ZC3H3: variants seen among roughly 807,000 people sequenced by gnomAD.
ZC3H3 encodes the protein zinc finger CCCH-type containing 3.
A neutral mutation model predicts 77.3 loss-of-function variants in ZC3H3; 36 were observed. The observed-to-expected ratio is 0.47, with a 90% CI of 0.36 to 0.61. The LOEUF is 0.61. Ranked by LOEUF, ZC3H3 falls within the 20% of genes least tolerant of loss-of-function variation. The pLI, the probability that ZC3H3 is intolerant of heterozygous loss-of-function variation, is 0.00. For synonymous variants in ZC3H3, 626 were observed against 555.2 expected (o/e 1.13, Z -1.79); for missense variants, 1,331 against 1,312.2 (o/e 1.01, Z -0.22).
chr8:143,490,190 G>A, intron 4 of ZC3H3, among the ~76,000 whole-genome samples: 1 of 152,230 alleles, frequency 6.6e-6, no homozygotes, highest in Non-Finnish European at 1.5e-5. Flanking sequence ...GCTGCACAGT[G>A]CTCAGCAGCT....
rs531200439 is a variant in ZC3H3, at chr8:143,536,295, C to A, written c.1523G>T (p.Arg508Leu). The change falls in exon 3 of 12, where the codon CGC becomes CTC. Residue 508 changes from arginine (R) to leucine (L), a missense_variant. By Grantham distance (102) the Arg-to-Leu change is moderately radical. Around this residue, in one of 3 missense-constraint regions of ZC3H3, gnomAD observed 978 missense variants for 915.5 expected, o/e 1.07. Transcript: ENST00000262577. ...LVQVTTHRLCRLPPSRAHLPT... is the reference protein window; with the variant it reads ...LVQVTTHRLCLLPPSRAHLPT... ...GAGGTGGGCCCGGCTCGGTGGCAGG[C>A]GACATAGTCGGTGCGTGGTGACCTG... The A allele has an allele frequency of 3.7e-6, 6 of 1,611,780 alleles. No individual in the cohort carries two copies. The highest frequency in any genetic ancestry group is 2.7e-5 in the African/African-American group (2 of 74,908).
At chr8:143,497,011 G>C (rs909252439) in intron 4 of ZC3H3, among the ~76,000 whole-genome samples, 35 of 152,226 alleles carry the variant, frequency 2.3e-4, no homozygotes, top group African/African-American at 8.2e-4. Context: ...GGGCACCAGG[G>C]CTCCGCTTCT....
chr8:143,498,934 GGGCAGTGCAGGGGGT>G, intron 4 of ZC3H3, among the ~76,000 whole-genome samples: 1 of 141,816 alleles, frequency 7.1e-6, no homozygotes, highest in African/African-American at 2.8e-5. Context: ...GAGGGGCACA[GGGCAGTGCAGGGGGT>G]ACAGGGCGGG....
chr8:143,488,885 C>G (rs1270663764), intron 4 of ZC3H3, among the ~76,000 whole-genome samples: 1 of 152,232 alleles, frequency 6.6e-6, no homozygotes, highest in Non-Finnish European at 1.5e-5. Context: ...ATAGGGAACA[C>G]AAACCATGTT....
chr8:143,467,107 G>A (rs1820429958), intron 8 of ZC3H3, among the ~76,000 whole-genome samples: 1 of 152,126 alleles, frequency 6.6e-6, no homozygotes, highest in East Asian at 1.9e-4. Flanking sequence ...GAGGGGAGAG[G>A]GGCTGGGGGC....
chr8:143,443,187 A>G (rs1257354229), intron 9 of ZC3H3, among the ~76,000 whole-genome samples: 1 of 149,058 alleles, frequency 6.7e-6, no homozygotes, highest in Admixed American at 6.8e-5. Context: ...TGGGAGGCTG[A>G]GGCAGAAGAA....
intron 1 of ZC3H3, 30 bp downstream of exon 1, chr8:143,541,346 G>T (rs1037345949): frequency 1.2e-6 from 2 of 1,605,822 alleles, no homozygotes; most frequent in Admixed American, 1.7e-5. Flanking sequence ...GAAAGAAGGG[G>T]ACTCGCGTCC....
In ZC3H3 at chr8:143,533,689, T is replaced by A; in HGVS notation, c.1561+2568A>T. Among the ~76,000 whole-genome samples, 1 of 149,408 alleles carries A rather than the reference T, an allele frequency of 6.7e-6. No individual in the cohort carries two copies. The highest frequency in any genetic ancestry group is 1.5e-5 in the Non-Finnish European group (1 of 67,294). On this transcript the variant is annotated intron_variant, in intron 3 of 11. Coordinates refer to ENST00000262577, the MANE Select transcript of ZC3H3 (RefSeq NM_015117.3). This position sits in a 1 kb window ranked among gnomAD's most constrained non-coding sequence, Gnocchi z 4.0. The stretch of plus-strand genomic sequence containing the variant: ...CCATGCAGCCGCCACGCTGGTCTTT[T>A]TTTTTTTTTTTTTTTGAGACAAAAT...
At chr8:143,463,866 C>A (rs994210653) in intron 9 of ZC3H3, among the ~76,000 whole-genome samples, 2 of 152,266 alleles carry the variant, frequency 1.3e-5, no homozygotes, top group African/African-American at 4.8e-5. Flanking sequence ...CCCTGAGCCA[C>A]AGCCGTGGCC....
At position 143,442,548 on chromosome 8, in the gene ZC3H3, C is replaced by T. The variant is rs60589430; in HGVS notation, c.2308-1428G>A. Among the ~76,000 whole-genome samples, 95 of 152,056 alleles carry T rather than the reference C, an allele frequency of 6.2e-4. No homozygotes were observed. In the East Asian group the frequency reaches 0.017, roughly 28 times the overall value. On this transcript the variant is annotated intron_variant, in intron 9 of 11. Transcript: ENST00000262577. Reference sequence around the variant, plus strand: ...TGGGGGTGTGCAGGTCCACTGTTCACAAAGGGGCAGGACTGCAGGCATTGC... The same window carrying T: ...TGGGGGTGTGCAGGTCCACTGTTCATAAAGGGGCAGGACTGCAGGCATTGC...
At position 143,536,476 on chromosome 8, in the gene ZC3H3, G is replaced by A. The variant is rs368213079; in HGVS notation, c.1365-23C>T. The stretch of plus-strand genomic sequence containing the variant: ...AGGCTGTGGAGACAAAATACAGGCA[G>A]CTCTCAACAAGCCCTGGGGGTTCTG... On this transcript the variant is annotated intron_variant, in intron 2 of 11. Transcript: ENST00000262577. 3.7e-4 allele frequency: 547 copies of A among 1,474,876 alleles called. 2 individuals are homozygous for A. The highest frequency in any genetic ancestry group is 4.8e-4 in the Non-Finnish European group (530 of 1,108,374). 91.4% of individuals were successfully genotyped at this position (1,474,876 alleles called of 1,614,324 possible). A position where few individuals can be genotyped will look rare whatever the true frequency, so the allele number is the denominator to read the frequency against.
At chr8:143,499,653 T>C (rs748321966) in intron 4 of ZC3H3, among the ~76,000 whole-genome samples, 1 of 151,854 alleles carries the variant, frequency 6.6e-6, no homozygotes, top group Non-Finnish European at 1.5e-5. Flanking sequence ...ATTCAGGGCC[T>C]CTCCAGGCTC....
intron 4 of ZC3H3, among the ~76,000 whole-genome samples, chr8:143,502,739 G>A (rs1222054341): frequency 6.6e-6 from 1 of 152,238 alleles, no homozygotes; most frequent in African/African-American, 2.4e-5. Context: ...TGGAGCTGGT[G>A]AGGGCACCGG....
At chr8:143,523,545 C>A (rs1052658238) in intron 3 of ZC3H3, 3 of 985,254 alleles carry the variant, frequency 3.0e-6, no homozygotes, top group Non-Finnish European at 3.6e-6. Context: ...CCCTCAGGCA[C>A]CAGCTTGGTG....
chr8:143,455,183 G>A (rs758626819), intron 9 of ZC3H3, among the ~76,000 whole-genome samples: 5 of 151,976 alleles, frequency 3.3e-5, no homozygotes, highest in Non-Finnish European at 5.9e-5. Flanking sequence ...GTGTGGTGGC[G>A]GGGGCCTGTA....
chr8:143,452,480 A>G (rs1820013385), intron 9 of ZC3H3, among the ~76,000 whole-genome samples: 1 of 152,204 alleles, frequency 6.6e-6, no homozygotes, highest in Non-Finnish European at 1.5e-5. Flanking sequence ...AGAACAAGGG[A>G]GGCTCCAAGC....
chr8:143,466,881 C>T (rs1279468049), intron 8 of ZC3H3, among the ~76,000 whole-genome samples: 1 of 152,180 alleles, frequency 6.6e-6, no homozygotes, highest in African/African-American at 2.4e-5. Flanking sequence ...GCCTGAGGAG[C>T]CCTGGGGGAT....
chr8:143,503,813 C>A (rs1821606115), intron 4 of ZC3H3, among the ~76,000 whole-genome samples: 1 of 152,160 alleles, frequency 6.6e-6, no homozygotes, highest in Admixed American at 6.5e-5. Flanking sequence ...CCAGCTGGCT[C>A]CCCACCGCCT....
At chr8:143,513,996 G>A (rs1414072471) in intron 3 of ZC3H3, among the ~76,000 whole-genome samples, 1 of 152,196 alleles carries the variant, frequency 6.6e-6, no homozygotes, top group Non-Finnish European at 1.5e-5. Flanking sequence ...TTCTGAAGTC[G>A]GCCCAGTCTG....
Sources: allele counts gnomAD v4.1 joint callset (sites outside exome capture counted in the v4.1 genomes callset), GRCh38; gene constraint gnomAD v4.1.1; regional missense constraint gnomAD v4.1.1; non-coding constraint Gnocchi (gnomAD v3.1); transcripts MANE v1.5; gene names NCBI Gene and HGNC (gene_info 2026-07-23, HGNC 2026-07-21).